Variants in GUCY2F observed in about 807,000 individuals in gnomAD.
GUCY2F encodes the protein retinal guanylyl cyclase 2.
A neutral mutation model predicts 73.1 loss-of-function variants in GUCY2F; 61 were observed. The ratio of observed to expected loss-of-function variants is 0.83; its 90% CI spans 0.68 to 1.03. GUCY2F has a LOEUF of 1.03. Among genes scored for constraint, GUCY2F ranks in the 50% least tolerant of loss-of-function variants. The probability of loss-of-function intolerance (pLI) is 0.00; values close to 1 mark genes in which losing one functional copy is unlikely to be tolerated. For missense variants in GUCY2F, 912 were observed against 854.3 expected, an observed-to-expected ratio of 1.07 and a Z score of -0.84; for synonymous variants, 331 against 307.8, an observed-to-expected ratio of 1.08 and a Z score of -0.79.
chrX:109,465,369 G>C lies in GUCY2F; in HGVS notation c.805C>G (p.Leu269Val). The C allele has an allele frequency of 2.5e-6, 3 of 1,200,845 alleles. No individual in the cohort carries two copies. The highest frequency in any genetic ancestry group is 3.4e-6 in the Non-Finnish European group (3 of 885,610). The change falls in exon 3 of 20, where the codon CTG (leucine) becomes GTG (valine). Residue 269 changes from leucine to valine, a missense_variant. By Grantham distance (32) the Leu-to-Val change is conservative. Coordinates refer to ENST00000218006, the MANE Select transcript of GUCY2F (RefSeq NM_001522.3). ...QMHLLECAHD[L>V]KMTDGTYVFV... ...ACGTAGGTTCCATCAGTCATTTTCA[G>C]ATCATGAGCACATTCCAAGAGATGC... is the stretch of plus-strand genomic sequence containing the variant.
At chrX:109,374,024 T>A (rs1279771343) in intron 19 of GUCY2F, among the ~76,000 whole-genome samples, 1 of 112,168 alleles carries the variant, frequency 8.9e-6, no homozygotes, top group Non-Finnish European at 1.9e-5. Context: ...TTCCTCAACA[T>A]CTCTTATGAT....
intron 3 of GUCY2F, among the ~76,000 whole-genome samples, chrX:109,454,638 A>G (rs1166954712): frequency 1.8e-5 from 2 of 112,125 alleles, no homozygotes; most frequent in East Asian, 5.6e-4. Flanking sequence ...TAAAAGCAAC[A>G]ATGTTTTTGT....
chrX:109,444,473 T>C (rs367936830), intron 6 of GUCY2F, among the ~76,000 whole-genome samples: 9 of 111,941 alleles, frequency 8.0e-5, no homozygotes, highest in African/African-American at 2.9e-4. Context: ...CAACATAATG[T>C]ATTTGTATAC....
intron 8 of GUCY2F, among the ~76,000 whole-genome samples, chrX:109,417,093 T>C (rs956322747): frequency 3.7e-4 from 41 of 110,984 alleles, no homozygotes; most frequent in African/African-American, 1.3e-3. Flanking sequence ...AGGCCTGCAA[T>C]ACAAGTAATG....
chrX:109,391,997 T>C lies in GUCY2F; in HGVS notation c.2695A>G (p.Met899Val). 1 of 1,206,845 alleles carries C rather than the reference T, an allele frequency of 8.3e-7. No individual in the cohort carries two copies. The highest frequency in any genetic ancestry group is 1.1e-6 in the Non-Finnish European group (1 of 891,401). ...DIVGFTTISA[M>V]SEPIEVVDLL... ...TCCACGACCTCAATGGGCTCACTCA[T>C]GGCTGAAATGGTTGTGAAGCCCACA... Residue 899 changes from methionine to valine, a missense_variant, in exon 14 of 20, where the codon ATG becomes GTG. Transcript: ENST00000218006.
intron 7 of GUCY2F, among the ~76,000 whole-genome samples, chrX:109,440,032 A>T (rs943957941): frequency 5.4e-5 from 6 of 112,055 alleles, no homozygotes; most frequent in Admixed American, 4.7e-4. Flanking sequence ...AGTTTTAGGT[A>T]TTTTTTTGTA....
intron 17 of GUCY2F, among the ~76,000 whole-genome samples, chrX:109,380,305 T>C (rs12394509): frequency 0.1 from 11,579 of 111,405 alleles, 1,463 homozygotes; most frequent in African/African-American, 0.35. Context: ...ATTTCTGAAG[T>C]GTGCTGGCGA....
intron 6 of GUCY2F, 127 bp downstream of exon 6, chrX:109,447,942 C>G (rs1458722971): frequency 6.3e-6 from 2 of 316,798 alleles, no homozygotes; most frequent in East Asian, 9.3e-5. Flanking sequence ...TTTTCTAAAC[C>G]CACTGAGTAC....
chrX:109,383,423 A>G (rs1930365994), intron 16 of GUCY2F: 1 of 725,405 alleles, frequency 1.4e-6, no homozygotes, highest in Non-Finnish European at 1.6e-6. Context: ...AGTCACTTCC[A>G]TTCCAGAATC....
At chrX:109,465,639 G>A (rs1178405707) in intron 2 of GUCY2F, among the ~76,000 whole-genome samples, 196 bp from the exon 3 acceptor site, 1 of 112,183 alleles carries the variant, frequency 8.9e-6, no homozygotes. Flanking sequence ...AGTGACAAGA[G>A]AGAGATGCCT....
At position 109,403,872 on chromosome X, in the gene GUCY2F, C is replaced by T. The variant is rs115446658; in HGVS notation, c.2125+456G>A. ...GCCTGAAGCCTTCCCACATAAACCACAGAGCATTTATTTGCTGAGAGATCA... is the reference window on the plus strand; with the variant it reads ...GCCTGAAGCCTTCCCACATAAACCATAGAGCATTTATTTGCTGAGAGATCA... On this transcript the variant is annotated intron_variant, in intron 10 of 19. Coordinates refer to ENST00000218006, the MANE Select transcript of GUCY2F (RefSeq NM_001522.3). Among the ~76,000 whole-genome samples, 785 of 112,630 alleles carry T rather than the reference C, an allele frequency of 7.0e-3. 10 individuals are homozygous for T. The highest frequency in any genetic ancestry group is 0.023 in the African/African-American group (724 of 31,034).
At chrX:109,376,044 T>C in intron 18 of GUCY2F, 35 bp downstream of exon 18, 2 of 1,152,033 alleles carry the variant, frequency 1.7e-6, no homozygotes, top group South Asian at 1.8e-5. Context: ...GAGTATGGCA[T>C]AGGAAGACTC....
At chrX:109,401,703 G>A (rs1930843564) in intron 10 of GUCY2F, among the ~76,000 whole-genome samples, 1 of 110,846 alleles carries the variant, frequency 9.0e-6, no homozygotes, top group African/African-American at 3.3e-5. Flanking sequence ...ACAAAGTTCA[G>A]GGCCCTGAAG....
At chrX:109,390,172 TG>T (rs1930527701) in intron 14 of GUCY2F, among the ~76,000 whole-genome samples, 1 of 111,098 alleles carries the variant, frequency 9.0e-6, no homozygotes, top group Admixed American at 9.6e-5. Context: ...GCAGGGAGTA[TG>T]GGCATGCATG....
At chrX:109,430,873 G>A (rs1195986292) in intron 7 of GUCY2F, among the ~76,000 whole-genome samples, 2 of 111,249 alleles carry the variant, frequency 1.8e-5, no homozygotes, top group African/African-American at 6.6e-5. Flanking sequence ...TTTTTCTCTC[G>A]TGGGACAGGC....
At chrX:109,430,806 G>T (rs1348418338) in intron 7 of GUCY2F, among the ~76,000 whole-genome samples, 1 of 111,741 alleles carries the variant, frequency 8.9e-6, no homozygotes, top group African/African-American at 3.3e-5. Context: ...TCTGTAGAGG[G>T]AAATGTAGGG....
chrX:109,479,539 C>G (rs1569379795), intron 1 of GUCY2F, among the ~76,000 whole-genome samples: 1 of 111,855 alleles, frequency 8.9e-6, no homozygotes, highest in African/African-American at 3.3e-5. Flanking sequence ...CTCCATCCAT[C>G]CTGGGATTCT....
intron 17 of GUCY2F, among the ~76,000 whole-genome samples, chrX:109,378,552 C>A (rs977913654): frequency 6.3e-5 from 7 of 111,534 alleles, no homozygotes; most frequent in African/African-American, 2.3e-4. Context: ...AACTTTCTGA[C>A]CTTCATGGAT....
chrX:109,392,933 T>C lies in GUCY2F; in HGVS notation c.2547A>G (p.Glu849=). 23 of 1,192,862 alleles carry C rather than the reference T, an allele frequency of 1.9e-5. No homozygotes were observed. Among genetic ancestry groups the C allele is most frequent in the Non-Finnish European group, 2.6e-5 (23 of 878,543 alleles). The change falls in exon 13 of 20, where the codon GAA becomes GAG. Residue 849 remains glutamate (E), a synonymous_variant. Coordinates refer to ENST00000218006, the MANE Select transcript of GUCY2F (RefSeq NM_001522.3). ...TTAGAAGCTTTTCCGTTTTCTGTTT[T>C]TCAATTTCCAGCTCTTCAGTCCGCT... ...IRERTEELEI[E]KQKTEKLLTQ...
Sources: gnomAD v4.1 joint callset for allele counts (sites outside exome capture counted in the v4.1 genomes callset) on GRCh38, gnomAD v4.1.1 for gene constraint, MANE v1.5 for transcripts, NCBI Gene and HGNC (gene_info 2026-07-23, HGNC 2026-07-21) for gene names.